Variants in ACACA observed in about 807,000 individuals in gnomAD.
ACACA encodes the protein acetyl-CoA carboxylase 1.
Under a neutral mutation model 296.1 loss-of-function variants are expected in ACACA, and 103 were observed. The ratio of observed to expected loss-of-function variants is 0.35; its 90% CI spans 0.30 to 0.41. ACACA has a LOEUF of 0.41. Ranked by LOEUF, ACACA falls within the 10% of genes least tolerant of loss-of-function variation. The pLI, the probability that ACACA is intolerant of heterozygous loss-of-function variation, is 1.00. For synonymous variants in ACACA, 953 were observed against 1,038.6 expected (o/e 0.92, Z 1.58); for missense variants, 1,554 against 2,989.7 (o/e 0.52, Z 11.20).
chr17:37,257,929 T>C, intron 13 of ACACA, 63 bp from the exon 14 acceptor site: 1 of 1,583,660 alleles, frequency 6.3e-7, no homozygotes. Flanking sequence ...ATTTATATAT[T>C]CATTGTTTAA....
chr17:37,377,059 C>T (rs927899559), intron 1 of ACACA, among the ~76,000 whole-genome samples: 18 of 152,282 alleles, frequency 1.2e-4, no homozygotes, highest in African/African-American at 4.1e-4. Flanking sequence ...AAAAATGTCA[C>T]AACCCTTTGA....
intron 5 of ACACA, among the ~76,000 whole-genome samples, chr17:37,278,595 T>C (rs2082371654): frequency 1.3e-5 from 2 of 152,370 alleles, no homozygotes; most frequent in South Asian, 4.1e-4. Flanking sequence ...CAGTATTCCC[T>C]TTCAAATTTG....
chr17:37,268,741 C>CTATATATATATATATATATA (rs71368449), intron 10 of ACACA, among the ~76,000 whole-genome samples: 12 of 94,508 alleles, frequency 1.3e-4, no homozygotes, highest in African/African-American at 2.0e-4. Flanking sequence ...ATCTATCTAT[C>CTATATATATATATATATATA]TATATATATA....
chr17:37,290,056 G>GT (rs890718428), intron 3 of ACACA, among the ~76,000 whole-genome samples: 20 of 148,170 alleles, frequency 1.3e-4, no homozygotes, highest in South Asian at 1.1e-3. Flanking sequence ...ACATCTTTGG[G>GT]TTTTTTTTTT....
chr17:37,173,919 T>G (rs558936632), intron 41 of ACACA, among the ~76,000 whole-genome samples: 22 of 139,804 alleles, frequency 1.6e-4, no homozygotes, highest in African/African-American at 5.3e-4. Flanking sequence ...GCTCAAGAGA[T>G]TCCTGTGCCT....
intron 43 of ACACA, among the ~76,000 whole-genome samples, chr17:37,153,646 C>T (rs1049808906): frequency 7.9e-5 from 12 of 151,982 alleles, no homozygotes; most frequent in African/African-American, 2.4e-4. Context: ...TAAATTTTTT[C>T]GATTTATGTA....
chr17:37,376,013 A>C, intron 1 of ACACA: 1 of 1,262,916 alleles, frequency 7.9e-7, no homozygotes, highest in Non-Finnish European at 1.2e-6. Flanking sequence ...CGTGTGGTGA[A>C]AGCAACTAGA....
intron 1 of ACACA, chr17:37,365,803 C>T (rs1266890220): frequency 2.2e-6 from 2 of 900,990 alleles, no homozygotes; most frequent in Non-Finnish European, 2.7e-6. Flanking sequence ...GTAGTAGAGA[C>T]TCCCCACGAT....
At chr17:37,312,960 A>G (rs900943427) in intron 3 of ACACA, among the ~76,000 whole-genome samples, 6 of 152,234 alleles carry the variant, frequency 3.9e-5, no homozygotes, top group African/African-American at 1.4e-4. Context: ...TTGGCAGATC[A>G]GGATATCCTG....
chr17:37,388,696 C>T (rs755385153), intron 1 of ACACA: 1 of 1,612,414 alleles, frequency 6.2e-7, no homozygotes, highest in Non-Finnish European at 8.5e-7. Flanking sequence ...AGAGAAGAGA[C>T]AGAAATGGAG....
At chr17:37,262,387 C>T (rs1053319413) in intron 11 of ACACA, among the ~76,000 whole-genome samples, 1 of 152,150 alleles carries the variant, frequency 6.6e-6, no homozygotes, top group Non-Finnish European at 1.5e-5. Flanking sequence ...CTCCCACAGG[C>T]CACAATGTGA....
At chr17:37,335,395 A>G (rs1286819967) in intron 2 of ACACA, among the ~76,000 whole-genome samples, 1 of 152,150 alleles carries the variant, frequency 6.6e-6, no homozygotes, top group Non-Finnish European at 1.5e-5. Context: ...ATTTAGCAAT[A>G]CTATAGACAC....
intron 35 of ACACA, among the ~76,000 whole-genome samples, chr17:37,196,185 AAC>A (rs1418309865): frequency 1.3e-5 from 2 of 152,174 alleles, no homozygotes; most frequent in East Asian, 1.9e-4. Context: ...CTTTTACCTC[AAC>A]ATGCTGAGAA....
intron 1 of ACACA, among the ~76,000 whole-genome samples, chr17:37,358,211 A>G (rs929706504): frequency 2.0e-5 from 3 of 152,170 alleles, no homozygotes; most frequent in Non-Finnish European, 4.4e-5. Flanking sequence ...TTTAGAGGTG[A>G]TTTCAAGTGT....
chr17:37,103,338 C>T (rs1474956346), intron 52 of ACACA, among the ~76,000 whole-genome samples: 2 of 152,174 alleles, frequency 1.3e-5, no homozygotes, highest in Non-Finnish European at 2.9e-5. Flanking sequence ...TATCATTGAT[C>T]GTTTGTCAGG....
chr17:37,155,011 A>C (rs2076182583), intron 43 of ACACA, among the ~76,000 whole-genome samples: 2 of 152,162 alleles, frequency 1.3e-5, no homozygotes, highest in Non-Finnish European at 2.9e-5. Context: ...TGGGAAGGCA[A>C]TTTAAAATTA....
At chr17:37,226,874 A>T (rs2079565372) in intron 25 of ACACA, among the ~76,000 whole-genome samples, 1 of 152,216 alleles carries the variant, frequency 6.6e-6, no homozygotes, top group African/African-American at 2.4e-5. Flanking sequence ...TAAGGCAAAA[A>T]GAACCACCCC....
At chr17:37,369,795 T>A (rs535734250) in intron 1 of ACACA, among the ~76,000 whole-genome samples, 10 of 152,176 alleles carry the variant, frequency 6.6e-5, no homozygotes, top group African/African-American at 2.2e-4. Context: ...AACCTCCACC[T>A]CCCAGGTTCA....
intron 1 of ACACA, chr17:37,377,974 T>C: frequency 6.2e-7 from 1 of 1,611,860 alleles, no homozygotes; most frequent in Non-Finnish European, 8.5e-7. Context: ...AGGTAGGGAA[T>C]GGGTCCTTTC....
Sources: gnomAD v4.1 joint callset for allele counts (sites outside exome capture counted in the v4.1 genomes callset) on GRCh38, gnomAD v4.1.1 for gene constraint, MANE v1.5 for transcripts, NCBI Gene and HGNC (gene_info 2026-07-23, HGNC 2026-07-21) for gene names.